Variants in FOCAD observed in about 807,000 individuals in gnomAD.
FOCAD encodes the protein focadhesin.
A neutral mutation model predicts 225.6 loss-of-function variants in FOCAD; 198 were observed. The observed-to-expected ratio is 0.88, with a 90% CI of 0.78 to 0.99. FOCAD has a LOEUF of 0.99. FOCAD is among the 50% of genes least tolerant of loss of function. The pLI is 0.00. For synonymous variants in FOCAD, 897 were observed against 755.0 expected, an observed-to-expected ratio of 1.19 and a Z score of -3.08; for missense variants, 2,713 against 2,123.6, an observed-to-expected ratio of 1.28 and a Z score of -5.46.
chr9:20,737,881 G>A (rs1328495807), intron 4 of FOCAD, among the ~76,000 whole-genome samples: 1 of 152,194 alleles, frequency 6.6e-6, no homozygotes, highest in Admixed American at 6.5e-5. Flanking sequence ...TCTACCCTGT[G>A]ACTTAGTCGA....
At chr9:20,978,183 A>T (rs1840374387) in intron 36 of FOCAD, among the ~76,000 whole-genome samples, 156 bp from the exon 37 acceptor site, 1 of 152,232 alleles carries the variant, frequency 6.6e-6, no homozygotes, top group Admixed American at 6.5e-5. Flanking sequence ...TTTGCCTCAT[A>T]ACTAACAAGT....
At chr9:20,780,475 T>G (rs1819257403) in intron 9 of FOCAD, among the ~76,000 whole-genome samples, 1 of 152,218 alleles carries the variant, frequency 6.6e-6, no homozygotes. Context: ...ATATCTCTGA[T>G]TTGAAGTTAC....
At chr9:20,685,690 G>A (rs1487144676) in intron 1 of FOCAD, among the ~76,000 whole-genome samples, 1 of 152,088 alleles carries the variant, frequency 6.6e-6, no homozygotes, top group Non-Finnish European at 1.5e-5. Flanking sequence ...TAAAACCTCT[G>A]CCTTGATTAT....
intron 24 of FOCAD, 50 bp downstream of exon 24, chr9:20,916,987 C>T: frequency 7.0e-7 from 1 of 1,436,662 alleles, no homozygotes; most frequent in South Asian, 1.3e-5. Context: ...ATACCTTTTC[C>T]TGGCAGGTAC....
At chr9:20,962,399 A>AAT (rs1248444473) in intron 35 of FOCAD, among the ~76,000 whole-genome samples, 7 of 136,224 alleles carry the variant, frequency 5.1e-5, no homozygotes, top group Non-Finnish European at 8.0e-5. Context: ...ACACATATAT[A>AAT]ATATATATAT....
chr9:20,835,670 A>G (rs548021262), intron 15 of FOCAD, among the ~76,000 whole-genome samples: 24 of 152,250 alleles, frequency 1.6e-4, no homozygotes, highest in Middle Eastern at 3.4e-3. Flanking sequence ...ATTAAAATCA[A>G]TACATTGTTC....
At chr9:20,994,979 G>T (rs1167990197) in intron 43 of FOCAD, among the ~76,000 whole-genome samples, 7 of 151,640 alleles carry the variant, frequency 4.6e-5, no homozygotes, top group African/African-American at 1.5e-4. Flanking sequence ...TCTAAAATAA[G>T]ATATAAAAAA....
chr9:20,948,249 C>A, intron 30 of FOCAD, 22 bp from the exon 31 acceptor site: 1 of 1,567,284 alleles, frequency 6.4e-7, no homozygotes, highest in South Asian at 1.2e-5. Context: ...TTTCTTACCC[C>A]ATTTTTATTT....
chr9:20,866,153 G>A (rs1454570664), intron 17 of FOCAD, among the ~76,000 whole-genome samples, 177 bp downstream of exon 17: 5 of 151,948 alleles, frequency 3.3e-5, no homozygotes, highest in Non-Finnish European at 7.4e-5. Context: ...CTCAATTTAT[G>A]CCCATTAATA....
intron 11 of FOCAD, among the ~76,000 whole-genome samples, chr9:20,801,245 C>T (rs1005520873): frequency 4.6e-5 from 7 of 152,024 alleles, no homozygotes; most frequent in African/African-American, 1.4e-4. Flanking sequence ...AAGTGAAAAG[C>T]GTTACATGGG....
intron 21 of FOCAD, among the ~76,000 whole-genome samples, chr9:20,905,972 A>G (rs577899728): frequency 1.3e-5 from 2 of 151,114 alleles, no homozygotes; most frequent in South Asian, 2.1e-4. Flanking sequence ...CATGAGAAGT[A>G]ATAGATAGCA....
chr9:20,816,766 C>G (rs1237400455), intron 11 of FOCAD, among the ~76,000 whole-genome samples: 1 of 151,990 alleles, frequency 6.6e-6, no homozygotes, highest in Non-Finnish European at 1.5e-5. Flanking sequence ...GATTCACCAG[C>G]TGCAGACAGA....
intron 11 of FOCAD, among the ~76,000 whole-genome samples, chr9:20,808,193 C>T (rs1305281188): frequency 1.3e-5 from 2 of 152,144 alleles, no homozygotes; most frequent in African/African-American, 4.8e-5. Flanking sequence ...ACTAAGAGCG[C>T]GATGGAATGT....
In FOCAD at chr9:20,865,963, A is replaced by G. The variant is rs768773534; in HGVS notation, c.2093A>G (p.His698Arg). Residue 698 changes from histidine to arginine, a missense_variant, in exon 17 of 44, where the codon CAT becomes CGT. His to Arg is a conservative substitution (Grantham distance 29, BLOSUM62 0). Transcript: ENST00000338382. The stretch of plus-strand genomic sequence containing the variant: ...CAAGTCCTCAGCTTCCTCTGGACTC[A>G]TACTCAAAACAAGGTACTATCACAA... ...KVQVLSFLWTHTQNKDPIVAN... is the reference protein window; with the variant it reads ...KVQVLSFLWTRTQNKDPIVAN... 29 of 1,608,378 alleles carry G rather than the reference A, an allele frequency of 1.8e-5. No individual in the cohort carries two copies. The highest frequency in any genetic ancestry group is 2.4e-5 in the Non-Finnish European group (28 of 1,177,496).
intron 1 of FOCAD, among the ~76,000 whole-genome samples, chr9:20,692,601 T>G (rs1823041236): frequency 6.6e-6 from 1 of 152,224 alleles, no homozygotes; most frequent in Non-Finnish European, 1.5e-5. Context: ...TTGCCCGTGC[T>G]CACTCATGTA....
chr9:20,726,787 T>G (rs1826234566), intron 4 of FOCAD, among the ~76,000 whole-genome samples: 1 of 152,196 alleles, frequency 6.6e-6, no homozygotes, highest in Non-Finnish European at 1.5e-5. Context: ...ACCCTGTTCC[T>G]TGGGAAACTT....
intron 2 of FOCAD, among the ~76,000 whole-genome samples, chr9:20,659,564 C>T (rs941149217): frequency 6.6e-6 from 1 of 151,842 alleles, no homozygotes; most frequent in African/African-American, 2.4e-5. Context: ...AGAAAGTGGT[C>T]ATCTGCATGT....
chr9:20,907,119 C>T, intron 21 of FOCAD, 31 bp from the exon 22 acceptor site: 1 of 1,489,410 alleles, frequency 6.7e-7, no homozygotes, highest in South Asian at 1.1e-5. Context: ...TACTGTGTAG[C>T]CTAATATGTT....
intron 1 of FOCAD, among the ~76,000 whole-genome samples, chr9:20,691,575 G>A (rs1206414527): frequency 6.6e-6 from 1 of 151,804 alleles, no homozygotes; most frequent in Non-Finnish European, 1.5e-5. Flanking sequence ...CGCACCTCCC[G>A]GGTTCACGCC....
Sources: gnomAD v4.1 joint callset for allele counts (sites outside exome capture counted in the v4.1 genomes callset) on GRCh38, gnomAD v4.1.1 for gene constraint, MANE v1.5 for transcripts, NCBI Gene and HGNC (gene_info 2026-07-23, HGNC 2026-07-21) for gene names.